CMTR1: variants seen among roughly 807,000 people sequenced by gnomAD.
CMTR1 encodes the protein cap-specific mRNA (nucleoside-2'-O-)-methyltransferase 1.
In CMTR1, 39 loss-of-function variants were observed where a neutral mutation model predicts 107.0. The ratio of observed to expected loss-of-function variants is 0.36; its 90% CI spans 0.28 to 0.48. CMTR1 has a LOEUF of 0.48. CMTR1 is among the 20% of genes least tolerant of loss of function. The pLI is 0.99. For synonymous variants in CMTR1, 366 were observed against 379.5 expected (o/e 0.96, Z 0.41); for missense variants, 672 against 1,064.9 (o/e 0.63, Z 5.14).
chr6:37,458,858 T>C lies in CMTR1; in HGVS notation c.976+48T>C. 6.4e-7 allele frequency: 1 copy of C among 1,556,850 alleles called. No individual in the cohort carries two copies. Among genetic ancestry groups the C allele is most frequent in the Non-Finnish European group, 8.8e-7 (1 of 1,132,308 alleles). ...TAGGAGGTATGAGGGACAGCCCCTCTATGGGGACTTCAGGTCAGAAGCAGT... is the reference window on the plus strand; with the variant it reads ...TAGGAGGTATGAGGGACAGCCCCTCCATGGGGACTTCAGGTCAGAAGCAGT... On this transcript the variant is annotated intron_variant, in intron 9 of 23. Transcript: ENST00000373451. This position sits in a 1 kb window ranked among gnomAD's most constrained non-coding sequence, Gnocchi z 4.7.
At chr6:37,452,950 A>G in intron 6 of CMTR1, 97 bp from the exon 7 acceptor site, 1 of 1,026,010 alleles carries the variant, frequency 9.7e-7, no homozygotes, top group Admixed American at 1.7e-5. Context: ...TGCCACAGGA[A>G]TCTTGTTCCT....
chr6:37,437,028 G>T (rs1438079143), intron 2 of CMTR1, among the ~76,000 whole-genome samples: 1 of 152,144 alleles, frequency 6.6e-6, no homozygotes, highest in South Asian at 2.1e-4. Context: ...CTTGACAGGT[G>T]GTACAGCGAA....
upstream of CMTR1, among the ~76,000 whole-genome samples, chr6:37,429,946 AT>A (rs1265789845): frequency 7.2e-4 from 40 of 55,896 alleles, no homozygotes; most frequent in Non-Finnish European, 1.1e-3. Flanking sequence ...TCAAAAAATA[AT>A]AAAAAAAAAA....
chr6:37,471,760 C>T, intron 14 of CMTR1, 87 bp from the exon 15 acceptor site: 1 of 1,202,002 alleles, frequency 8.3e-7, no homozygotes, highest in South Asian at 1.3e-5. Flanking sequence ...TCATTCAGGC[C>T]TCCTCTCTAT....
chr6:37,437,101 G>A (rs1771545329), intron 2 of CMTR1, among the ~76,000 whole-genome samples: 1 of 152,172 alleles, frequency 6.6e-6, no homozygotes, highest in African/African-American at 2.4e-5. Flanking sequence ...TTTGTATGTG[G>A]AGGTGTTCAC....
intron 21 of CMTR1, 52 bp from the exon 22 acceptor site, chr6:37,478,357 T>C: frequency 1.4e-6 from 2 of 1,401,980 alleles, no homozygotes; most frequent in South Asian, 2.3e-5. Context: ...AGACTAATTT[T>C]ATCAGCCAGG....
At position 37,440,063 on chromosome 6, in the gene CMTR1, T is replaced by G. The variant is rs148207840; in HGVS notation, c.134-3936T>G. 6.6e-5 allele frequency among the ~76,000 whole-genome samples: 10 copies of G among 152,344 alleles called. No homozygotes were observed. The East Asian group carries it at 1.9e-3, about 29-fold the overall frequency. The stretch of plus-strand genomic sequence containing the variant: ...TCTGTAAAGTTGAATCTTTCTTCCT[T>G]GTAATGACTTAATAGTGATTTCTAT... On this transcript the variant is annotated intron_variant, in intron 2 of 23. Coordinates refer to ENST00000373451, the MANE Select transcript of CMTR1 (RefSeq NM_015050.3).
At chr6:37,457,275 A>G (rs983543096) in intron 8 of CMTR1, among the ~76,000 whole-genome samples, 1 of 151,576 alleles carries the variant, frequency 6.6e-6, no homozygotes, top group Non-Finnish European at 1.5e-5. Context: ...TCAAGGGGCC[A>G]CAAATGTAAT....
chr6:37,438,934 T>G (rs1298217830), intron 2 of CMTR1, among the ~76,000 whole-genome samples: 1 of 152,202 alleles, frequency 6.6e-6, no homozygotes. Flanking sequence ...CACTTCTACC[T>G]GAACATAATG....
chr6:37,424,382 A>G, the CMTR1 span, among the ~76,000 whole-genome samples: 1 of 151,456 alleles, frequency 6.6e-6, no homozygotes, highest in Non-Finnish European at 1.5e-5. Context: ...AGGTGGGACT[A>G]CAGGCGCCCG....
chr6:37,437,601 C>T (rs150128836), intron 2 of CMTR1, among the ~76,000 whole-genome samples: 141 of 151,490 alleles, frequency 9.3e-4, no homozygotes, highest in African/African-American at 3.2e-3. Flanking sequence ...GGCCCAAGGA[C>T]GCCAAAAGAT....
At chr6:37,475,518 T>C in intron 19 of CMTR1, 106 bp downstream of exon 19, 1 of 909,122 alleles carries the variant, frequency 1.1e-6, no homozygotes. Flanking sequence ...TCTCTGCTTG[T>C]TGACATCCTG....
intron 13 of CMTR1, among the ~76,000 whole-genome samples, chr6:37,469,521 CTT>C (rs763917812): frequency 9.4e-4 from 58 of 61,602 alleles, no homozygotes; most frequent in African/African-American, 1.7e-3. Context: ...TTGTTTTATC[CTT>C]TTTTTTTTTT....
intron 23 of CMTR1, 61 bp downstream of exon 23, chr6:37,479,316 C>T: frequency 1.7e-6 from 2 of 1,205,392 alleles, no homozygotes; most frequent in Admixed American, 1.7e-5. Context: ...TGCAGGATGC[C>T]AGCCAGCTGT....
chr6:37,435,386 GCT>G (rs1253615505), intron 1 of CMTR1, among the ~76,000 whole-genome samples: 1 of 152,154 alleles, frequency 6.6e-6, no homozygotes, highest in African/African-American at 2.4e-5. Flanking sequence ...GTGGCCCAGG[GCT>G]CTCTCAGTCT....
chr6:37,448,761 G>A (rs1771863745), intron 4 of CMTR1, among the ~76,000 whole-genome samples: 1 of 152,164 alleles, frequency 6.6e-6, no homozygotes, highest in Admixed American at 6.5e-5. Flanking sequence ...ATGTGAAGCT[G>A]CCATGCAGGT....
chr6:37,455,846 T>C (rs1295294264), intron 8 of CMTR1, among the ~76,000 whole-genome samples: 2 of 152,230 alleles, frequency 1.3e-5, no homozygotes, highest in Non-Finnish European at 2.9e-5. Flanking sequence ...ATAGGATACT[T>C]TATTTAGTCC....
intron 21 of CMTR1, 80 bp downstream of exon 21, chr6:37,477,719 T>G: frequency 2.4e-6 from 1 of 410,410 alleles, no homozygotes; most frequent in Non-Finnish European, 4.8e-6. Context: ...CTCCGTTTCA[T>G]AAGATGGGTC....
chr6:37,439,559 T>A (rs1771620320), intron 2 of CMTR1, among the ~76,000 whole-genome samples: 1 of 152,244 alleles, frequency 6.6e-6, no homozygotes, highest in Admixed American at 6.5e-5. Flanking sequence ...CCCAGATTCA[T>A]GACCTTAATC....
Sources: allele counts gnomAD v4.1 joint callset (sites outside exome capture counted in the v4.1 genomes callset), GRCh38; gene constraint gnomAD v4.1.1; non-coding constraint Gnocchi (gnomAD v3.1); transcripts MANE v1.5; gene names NCBI Gene and HGNC (gene_info 2026-07-23, HGNC 2026-07-21).